The following CEP63 variants were observed in gnomAD, a reference collection of about 807,000 sequenced individuals.
CEP63 encodes centrosomal protein of 63 kDa.
A neutral mutation model predicts 89.1 loss-of-function variants in CEP63; 84 were observed. The observed-to-expected ratio is 0.94, with a 90% CI of 0.79 to 1.13. The LOEUF (loss-of-function observed/expected upper bound fraction) is 1.13. CEP63 is among the 50% of genes most tolerant of loss of function. The pLI, the probability that CEP63 is intolerant of heterozygous loss-of-function variation, is 0.00. For missense variants in CEP63, 838 were observed against 813.3 expected (o/e 1.03, Z -0.37); for synonymous variants, 267 against 272.5 (o/e 0.98, Z 0.20).
chr3:134,509,669 G>A (rs541677149), intron 3 of CEP63, among the ~76,000 whole-genome samples: 94 of 152,032 alleles, frequency 6.2e-4, no homozygotes, highest in Middle Eastern at 3.4e-3. Flanking sequence ...AAACACAGGA[G>A]AAGTAAAAAA....
the CEP63 span, among the ~76,000 whole-genome samples, chr3:134,636,029 T>C: frequency 2.0e-5 from 3 of 152,244 alleles, no homozygotes; most frequent in Non-Finnish European, 4.4e-5. Flanking sequence ...CAATCCCTTT[T>C]TGTTGAATAT....
At chr3:134,768,724 TCCC>T in the CEP63 span, among the ~76,000 whole-genome samples, 1 of 152,320 alleles carries the variant, frequency 6.6e-6, no homozygotes, top group Admixed American at 6.5e-5. Flanking sequence ...TAACATTCTA[TCCC>T]CTGGTTATCC....
At chr3:134,624,939 A>G in the CEP63 span, 6 of 932,550 alleles carry the variant, frequency 6.4e-6, no homozygotes, top group Non-Finnish European at 1.7e-6. Flanking sequence ...TTCCAGGGCC[A>G]TCCAACCAAG....
chr3:134,619,561 C>T, the CEP63 span, among the ~76,000 whole-genome samples: 16 of 152,350 alleles, frequency 1.1e-4, no homozygotes, highest in African/African-American at 3.6e-4. Context: ...TGCTAATCCC[C>T]ACCACACAGC....
intron 5 of CEP63, chr3:134,535,615 C>T (rs1488926793): frequency 6.6e-6 from 1 of 151,998 alleles, no homozygotes; most frequent in Admixed American, 6.6e-5. Context: ...AAGACCTCGC[C>T]TCTTCATGAC....
the CEP63 span, among the ~76,000 whole-genome samples, chr3:134,738,746 T>G: frequency 6.6e-6 from 1 of 152,134 alleles, no homozygotes; most frequent in African/African-American, 2.4e-5. Flanking sequence ...AAACACCACC[T>G]GTACCCCAAT....
At chr3:134,493,209 A>G (rs898995847) in intron 1 of CEP63, among the ~76,000 whole-genome samples, 3 of 152,156 alleles carry the variant, frequency 2.0e-5, no homozygotes, top group Admixed American at 6.5e-5. Context: ...CTTACAGTGG[A>G]CATTTAATTG....
At chr3:134,763,748 C>T in the CEP63 span, among the ~76,000 whole-genome samples, 1 of 152,228 alleles carries the variant, frequency 6.6e-6, no homozygotes, top group Admixed American at 6.5e-5. Flanking sequence ...TGGTGTCCCC[C>T]ACTCTGACCT....
the CEP63 span, among the ~76,000 whole-genome samples, chr3:134,630,218 T>A: frequency 2.6e-5 from 4 of 152,132 alleles, no homozygotes; most frequent in Non-Finnish European, 5.9e-5. Flanking sequence ...AAGAAATCTT[T>A]TGTTGTTGTT....
downstream of CEP63, chr3:134,565,071 C>G (rs1957692230): frequency 3.3e-6 from 2 of 606,460 alleles, no homozygotes; most frequent in African/African-American, 2.0e-5. Flanking sequence ...CAAAATCTGT[C>G]CGTGATCAGG....
At chr3:134,708,716 C>T in the CEP63 span, among the ~76,000 whole-genome samples, 1 of 152,174 alleles carries the variant, frequency 6.6e-6, no homozygotes, top group African/African-American at 2.4e-5. Flanking sequence ...AAGCACATGC[C>T]TTCCTGCCCC....
the CEP63 span, among the ~76,000 whole-genome samples, chr3:134,623,640 A>C: frequency 1.5e-5 from 2 of 135,418 alleles, no homozygotes; most frequent in African/African-American, 5.7e-5. Flanking sequence ...TCTTCTCCTC[A>C]CTCCCCACTA....
the CEP63 span, among the ~76,000 whole-genome samples, chr3:134,738,170 A>G: frequency 0.022 from 3,316 of 152,134 alleles, 118 homozygotes; most frequent in African/African-American, 0.076. Flanking sequence ...TTCACTTAGA[A>G]TAATAGTCTC....
the CEP63 span, among the ~76,000 whole-genome samples, chr3:134,658,167 A>G: frequency 1.3e-5 from 2 of 152,182 alleles, no homozygotes; most frequent in Non-Finnish European, 2.9e-5. Context: ...AAGTGCTGGG[A>G]TTACAGGCAT....
At chr3:134,516,193 G>C (rs980215188) in intron 3 of CEP63, among the ~76,000 whole-genome samples, 1 of 152,170 alleles carries the variant, frequency 6.6e-6, no homozygotes, top group Non-Finnish European at 1.5e-5. Flanking sequence ...ACAAACATGT[G>C]AACAAAGGTC....
At chr3:134,660,285 G>T in the CEP63 span, among the ~76,000 whole-genome samples, 1 of 152,258 alleles carries the variant, frequency 6.6e-6, no homozygotes, top group Non-Finnish European at 1.5e-5. Flanking sequence ...TTGGGGCTTG[G>T]CTGTCAAGGC....
the CEP63 span, among the ~76,000 whole-genome samples, chr3:134,768,161 C>T: frequency 1.3e-5 from 2 of 152,090 alleles, no homozygotes; most frequent in East Asian, 1.9e-4. Context: ...TCGGAAGCAT[C>T]AAATGGGGAG....
At chr3:134,537,378 C>T (rs74317669) in intron 6 of CEP63, 110 bp downstream of exon 6, 19,695 of 728,032 alleles carry the variant, frequency 0.027, 944 homozygotes, top group South Asian at 0.1. Context: ...CTTCTCTCCA[C>T]GAACCCTGCT....
the CEP63 span, among the ~76,000 whole-genome samples, chr3:134,771,347 C>T: frequency 1.3e-5 from 2 of 152,330 alleles, no homozygotes; most frequent in African/African-American, 4.8e-5. Flanking sequence ...TCTCAGCAAA[C>T]TAACACAAGA....
Sources: allele counts gnomAD v4.1 joint callset (sites outside exome capture counted in the v4.1 genomes callset), GRCh38; gene constraint gnomAD v4.1.1; transcripts MANE v1.5; gene names NCBI Gene and HGNC (gene_info 2026-07-23, HGNC 2026-07-21).